The following EXOC4 variants were observed in gnomAD, a reference collection of about 807,000 sequenced individuals.
The protein encoded by EXOC4 is SEC8-like 1.
A neutral mutation model predicts 107.2 loss-of-function variants in EXOC4; 71 were observed. The ratio of observed to expected loss-of-function variants is 0.66; its 90% CI spans 0.55 to 0.81. The LOEUF (loss-of-function observed/expected upper bound fraction) is 0.81, where lower values mean the gene tolerates loss of function less well. Among genes scored for constraint, EXOC4 ranks in the 30% least tolerant of loss-of-function variants. The pLI is 0.00. For missense variants in EXOC4, 1,108 were observed against 1,189.6 expected (o/e 0.93, Z 1.01); for synonymous variants, 456 against 441.2 (o/e 1.03, Z -0.42).
intron 9 of EXOC4, among the ~76,000 whole-genome samples, chr7:133,506,075 A>G (rs1287655316): frequency 6.6e-6 from 1 of 152,186 alleles, no homozygotes; most frequent in East Asian, 1.9e-4. Flanking sequence ...AAATACTTTG[A>G]AAAATATTCA....
chr7:133,439,916 A>C (rs1202523835), intron 7 of EXOC4, among the ~76,000 whole-genome samples: 1 of 152,206 alleles, frequency 6.6e-6, no homozygotes, highest in South Asian at 2.1e-4. Flanking sequence ...TCTTCCATCT[A>C]TCACTCAGCT....
intron 14 of EXOC4, among the ~76,000 whole-genome samples, chr7:133,949,523 A>C (rs1273584650): frequency 2.0e-5 from 3 of 152,208 alleles, no homozygotes; most frequent in African/African-American, 7.2e-5. Flanking sequence ...AAATCCTGTA[A>C]ATGTCAGAAA....
At chr7:133,422,846 T>G (rs1372418812) in intron 7 of EXOC4, among the ~76,000 whole-genome samples, 1 of 152,214 alleles carries the variant, frequency 6.6e-6, no homozygotes, top group African/African-American at 2.4e-5. Context: ...ACTACAGAAA[T>G]TATGGGAAAT....
intron 1 of EXOC4, among the ~76,000 whole-genome samples, chr7:133,270,450 G>T (rs751545500): frequency 5.9e-5 from 9 of 152,108 alleles, no homozygotes; most frequent in Non-Finnish European, 1.3e-4. Flanking sequence ...AAAAGATGGT[G>T]GGCTGCTGGA....
chr7:133,803,389 C>T (rs1449302188), intron 10 of EXOC4, among the ~76,000 whole-genome samples: 1 of 152,074 alleles, frequency 6.6e-6, no homozygotes, highest in African/African-American at 2.4e-5. Context: ...TTTCTACAGG[C>T]TTTTTCTGTC....
At chr7:134,024,265 G>A (rs963404932) in intron 17 of EXOC4, among the ~76,000 whole-genome samples, 10 of 151,986 alleles carry the variant, frequency 6.6e-5, no homozygotes, top group South Asian at 2.1e-4. Flanking sequence ...CCTGGCTAAC[G>A]CGGTGAAACC....
At chr7:133,578,564 A>G (rs1585009273) in intron 9 of EXOC4, among the ~76,000 whole-genome samples, 1 of 152,206 alleles carries the variant, frequency 6.6e-6, no homozygotes, top group East Asian at 1.9e-4. Flanking sequence ...TTGTATTAGC[A>G]GGTTATTTGT....
chr7:133,404,754 A>G (rs1797173314), intron 7 of EXOC4, among the ~76,000 whole-genome samples: 1 of 151,918 alleles, frequency 6.6e-6, no homozygotes, highest in South Asian at 2.1e-4. Flanking sequence ...GGCTGCGTGC[A>G]GTGGCTCATG....
intron 14 of EXOC4, among the ~76,000 whole-genome samples, chr7:133,948,398 C>T (rs1225020628): frequency 1.3e-5 from 2 of 151,988 alleles, no homozygotes; most frequent in Non-Finnish European, 2.9e-5. Context: ...CAGGGAAATC[C>T]AAAAGAAGAT....
chr7:133,849,423 A>G (rs1445442162), intron 11 of EXOC4, among the ~76,000 whole-genome samples: 1 of 152,232 alleles, frequency 6.6e-6, no homozygotes, highest in African/African-American at 2.4e-5. Context: ...TGTCTCTTAA[A>G]TTAAAAAATA....
chr7:133,324,188 G>A (rs933307660), intron 5 of EXOC4, among the ~76,000 whole-genome samples: 2 of 151,972 alleles, frequency 1.3e-5, no homozygotes, highest in African/African-American at 4.8e-5. Context: ...ATTTTTGAAG[G>A]GTTTTTTTGG....
rs73439115 is a variant in EXOC4, at chr7:133,345,380, T to G, written c.764-10950T>G. On this transcript the variant is annotated intron_variant, in intron 5 of 17. Coordinates refer to ENST00000253861, the MANE Select transcript of EXOC4 (RefSeq NM_021807.4). ...TTGCCATCTCCCTGAGTAACTGAAC[T>G]TAGAAAGCCCATGCATTAATTAAAT... Among the ~76,000 whole-genome samples the G allele has an allele frequency of 8.0e-3, 1,216 of 152,298 alleles. 23 individuals are homozygous for G. Among genetic ancestry groups the G allele is most frequent in the African/African-American group, 0.028 (1,174 of 41,568 alleles).
At chr7:133,818,328 C>T (rs1295434696) in intron 11 of EXOC4, among the ~76,000 whole-genome samples, 2 of 152,064 alleles carry the variant, frequency 1.3e-5, no homozygotes, top group African/African-American at 4.8e-5. Flanking sequence ...CTAAATTGTA[C>T]AATATGAGAC....
chr7:133,627,686 T>C (rs1271715297), intron 9 of EXOC4, among the ~76,000 whole-genome samples: 4 of 152,192 alleles, frequency 2.6e-5, no homozygotes, highest in Non-Finnish European at 5.9e-5. Context: ...AAAAGTGTAG[T>C]GTTTGTGTCA....
rs1563076054 is a variant in EXOC4 at position 133,971,396 on chromosome 7, AG to A, written c.2207-26095del. Among the ~76,000 whole-genome samples, 364 of 137,968 alleles carry A rather than the reference AG, an allele frequency of 2.6e-3. 12 individuals are homozygous for A. The highest frequency in any genetic ancestry group is 5.2e-3 in the East Asian group (22 of 4,262). 90.5% of individuals were successfully genotyped at this position (137,968 alleles called of 152,430 possible). ...GAGAGAGAGAGAGAGAGAGAGAGAG[AG>A]AGAGAAAGAGAGAGAGAATATGTAT... On this transcript the variant is annotated intron_variant, in intron 14 of 17. Transcript: ENST00000253861.
At chr7:133,416,716 A>G (rs1023563930) in intron 7 of EXOC4, among the ~76,000 whole-genome samples, 6 of 152,186 alleles carry the variant, frequency 3.9e-5, no homozygotes, top group African/African-American at 7.2e-5. Context: ...TAATTGAGGA[A>G]AACGTTTCAG....
At chr7:133,966,394 T>C (rs1489018066) in intron 14 of EXOC4, among the ~76,000 whole-genome samples, 1 of 152,224 alleles carries the variant, frequency 6.6e-6, no homozygotes, top group African/African-American at 2.4e-5. Context: ...AGGGCATCCT[T>C]GTCTTGTGCC....
intron 9 of EXOC4, among the ~76,000 whole-genome samples, chr7:133,543,500 C>A (rs552404192): frequency 1.3e-5 from 2 of 152,108 alleles, no homozygotes; most frequent in South Asian, 2.1e-4. Context: ...CCCCCTTGAA[C>A]AGCCTCATCC....
rs561002445 is a variant in EXOC4, at chr7:133,956,520, A to T, written c.2206+18451A>T. Among the ~76,000 whole-genome samples, 11 of 152,320 alleles carry T rather than the reference A, an allele frequency of 7.2e-5. No individual in the cohort carries two copies. In the East Asian group the frequency reaches 2.1e-3, roughly 29 times the overall value. On this transcript the variant is annotated intron_variant, in intron 14 of 17. Coordinates refer to ENST00000253861, the MANE Select transcript of EXOC4 (RefSeq NM_021807.4). Reference sequence around the variant, plus strand: ...TTCTCGCAATTCAGTGAGTTGACTGAGCAGCTTTTCTAGCCAGAGCTCCTC... The same window carrying T: ...TTCTCGCAATTCAGTGAGTTGACTGTGCAGCTTTTCTAGCCAGAGCTCCTC...
Sources: allele counts gnomAD v4.1 joint callset (sites outside exome capture counted in the v4.1 genomes callset), GRCh38; gene constraint gnomAD v4.1.1; transcripts MANE v1.5; gene names NCBI Gene and HGNC (gene_info 2026-07-23, HGNC 2026-07-21).